Variants in LMTK3 observed in about 807,000 individuals in gnomAD.
The protein encoded by LMTK3 is serine/threonine-protein kinase LMTK3.
Under a neutral mutation model 116.7 loss-of-function variants are expected in LMTK3, and 27 were observed. The observed-to-expected ratio is 0.23, with a 90% CI of 0.17 to 0.32. The LOEUF is 0.32. LMTK3 is among the 10% of genes least tolerant of loss of function. The pLI is 1.00. For missense variants in LMTK3, 1,764 were observed against 2,068.5 expected (o/e 0.85, Z 2.86); for synonymous variants, 965 against 971.0 (o/e 0.99, Z 0.11).
At position 48,494,701 on chromosome 19, in the gene LMTK3, T is replaced by C. The variant is rs1972295296; in HGVS notation, c.3677-592A>G. 6.6e-6 allele frequency among the ~76,000 whole-genome samples: 1 copy of C among 152,128 alleles called. No homozygotes were observed. The highest frequency in any genetic ancestry group is 1.5e-5 in the Non-Finnish European group (1 of 68,026). On this transcript the variant is annotated intron_variant, in intron 11 of 14. Transcript: ENST00000600059. The surrounding 1 kb of genome is among the most constrained non-coding windows in gnomAD (Gnocchi z 4.0). ...GGTCACTTAGCCCTCCATTACTGCATAAGTGAACTGCCCTTTCTGAGCTGA... is the reference window on the plus strand; with the variant it reads ...GGTCACTTAGCCCTCCATTACTGCACAAGTGAACTGCCCTTTCTGAGCTGA...
intron 3 of LMTK3, 140 bp downstream of exon 3, chr19:48,509,883 A>G (rs1972627980): frequency 4.3e-6 from 4 of 935,296 alleles, no homozygotes; most frequent in Non-Finnish European, 6.3e-6. Flanking sequence ...GGCTGCTTCC[A>G]AGATTCCAGC....
chr19:48,502,776 T>C lies in LMTK3; in HGVS notation c.645+133A>G, dbSNP rs1972495678. 1.0e-5 allele frequency: 9 copies of C among 864,610 alleles called. 1 individual carries two copies. In the East Asian group the frequency reaches 1.9e-4, roughly 18 times the overall value. 53.6% of individuals were successfully genotyped at this position (864,610 alleles called of 1,614,324 possible). The stretch of plus-strand genomic sequence containing the variant: ...CAGCCCCCAGGACAGGCAGCACTCA[T>C]GAAATGTTAGCGCATGCCACACATC... On this transcript the variant is annotated intron_variant, in intron 6 of 14. Transcript: ENST00000600059.
intron 7 of LMTK3, 59 bp from the exon 8 acceptor site, chr19:48,501,621 C>T: frequency 6.6e-7 from 1 of 1,513,356 alleles, no homozygotes; most frequent in Non-Finnish European, 8.9e-7. Context: ...CGCCCTGACC[C>T]CGCCCTTTCA....
rs767726813 is a variant in LMTK3 at position 48,497,988 on chromosome 19, T to G, written c.3081A>C (p.Pro1027=). 2 of 1,609,074 alleles carry G rather than the reference T, an allele frequency of 1.2e-6. No individual in the cohort carries two copies. The highest frequency in any genetic ancestry group is 1.7e-6 in the Non-Finnish European group (2 of 1,178,354). ...RPPETGPWRA[P]GPWEKTPESW... ...TCTCGGGCGTCTTCTCCCAGGGCCCTGGGGCTCTCCAAGGCCCAGTCTCTG... is the reference window on the plus strand; with the variant it reads ...TCTCGGGCGTCTTCTCCCAGGGCCCGGGGGCTCTCCAAGGCCCAGTCTCTG... The change falls in exon 11 of 15, where the codon CCA becomes CCC. Residue 1027 remains proline (P), a synonymous_variant. Coordinates refer to ENST00000600059, the MANE Select transcript of LMTK3 (RefSeq NM_001388485.1). The surrounding 1 kb of genome is among the most constrained non-coding windows in gnomAD (Gnocchi z 5.7).
rs1318375717 is a variant in LMTK3 at position 48,491,398 on chromosome 19, C to T, written c.4228+6G>A. The stretch of plus-strand genomic sequence containing the variant: ...CCCCCTCCCGCCCCATAGGGCCCGT[C>T]CTCACCAAAGCCGCTGTCGTTGCTG... On this transcript the variant is annotated splice_donor_region_variant and intron_variant, in intron 13 of 14. Coordinates refer to ENST00000600059, the MANE Select transcript of LMTK3 (RefSeq NM_001388485.1). This position sits in a 1 kb window ranked among gnomAD's most constrained non-coding sequence, Gnocchi z 5.1. The T allele has an allele frequency of 7.8e-6, 11 of 1,405,762 alleles. No individual in the cohort carries two copies. Among genetic ancestry groups the T allele is most frequent in the African/African-American group, 1.5e-5 (1 of 65,962 alleles). 87.1% of individuals were successfully genotyped at this position (1,405,762 alleles called of 1,614,324 possible). A position where few individuals can be genotyped will look rare whatever the true frequency, so the allele number is the denominator to read the frequency against.
At position 48,498,552 on chromosome 19, in the gene LMTK3, C is replaced by T. The variant is rs745346120; in HGVS notation, c.2517G>A (p.Pro839=). ...GGGGCCCCGGGAGTGGGAGCGGACC[C>T]GGGTCTGGAGGTGGCCGGGGCGCTC... is the stretch of plus-strand genomic sequence containing the variant. The part of the protein sequence containing the change: ...DPGAPRPPPD[P]GPLPLPGPRE... Residue 839 remains proline, a synonymous_variant, in exon 11 of 15, where the codon CCG becomes CCA. Transcript: ENST00000600059. 3.2e-6 allele frequency: 5 copies of T among 1,562,244 alleles called. No homozygotes were observed. The Admixed American group carries it at 5.6e-5, about 18-fold the overall frequency.
rs764021900 is a variant in LMTK3, at chr19:48,494,928, A to G, written c.3677-819T>C. Among the ~76,000 whole-genome samples, 23 of 151,762 alleles carry G rather than the reference A, an allele frequency of 1.5e-4. No homozygotes were observed. The highest frequency in any genetic ancestry group is 8.5e-4 in the Admixed American group (13 of 15,244). ...TGCCTCACTCCCTCCTTTCCTTCAC[A>G]TCTGCTCAAAAGTCACACTTTTGTT... On this transcript the variant is annotated intron_variant, in intron 11 of 14. Coordinates refer to ENST00000600059, the MANE Select transcript of LMTK3 (RefSeq NM_001388485.1). This position sits in a 1 kb window ranked among gnomAD's most constrained non-coding sequence, Gnocchi z 4.0.
rs1433874179 is a variant in LMTK3, at chr19:48,499,434, G to T, written c.1635C>A (p.His545Gln). The T allele has an allele frequency of 3.4e-6, 5 of 1,465,454 alleles. No homozygotes were observed. The highest frequency in any genetic ancestry group is 1.4e-5 in the African/African-American group (1 of 69,472). The allele number at this position is 1,465,454 out of a possible 1,614,324, so 90.8% of individuals were successfully genotyped here. Residue 545 changes from histidine (H) to glutamine (Q), a missense_variant, in exon 11 of 15, where the codon CAC (histidine) becomes CAA (glutamine). By Grantham distance (24) the His-to-Gln change is conservative. This residue lies in a region of LMTK3 where 1,028 missense variants were observed against 1,050.6 expected (regional missense o/e 0.98). Coordinates refer to ENST00000600059, the MANE Select transcript of LMTK3 (RefSeq NM_001388485.1). Reference protein sequence around the residue: ...SSEYYIRLEEHGSPPEPLFPN... With the variant: ...SSEYYIRLEEQGSPPEPLFPN... The stretch of plus-strand genomic sequence containing the variant: ...GGAAGAGGGGCTCAGGAGGGGAGCC[G>T]TGCTCCTCCAAGCGGATGTAGTACT...
chr19:48,503,223 T>C, intron 5 of LMTK3, among the ~76,000 whole-genome samples: 1 of 152,198 alleles, frequency 6.6e-6, no homozygotes, highest in Non-Finnish European at 1.5e-5. Flanking sequence ...AATTTTTGTA[T>C]TTTTAGTAAA....
intron 12 of LMTK3, among the ~76,000 whole-genome samples, chr19:48,493,217 C>T (rs901362662): frequency 1.3e-5 from 2 of 150,788 alleles, no homozygotes; most frequent in African/African-American, 4.9e-5. Flanking sequence ...GCTCAGCCTG[C>T]CTTCAAACCC....
At chr19:48,495,933 A>G (rs1601045340) in intron 11 of LMTK3, among the ~76,000 whole-genome samples, 2 of 152,244 alleles carry the variant, frequency 1.3e-5, no homozygotes, top group South Asian at 4.1e-4. Context: ...TCAGAAAGGC[A>G]TATCTGTGCC....
intron 9 of LMTK3, 34 bp from the exon 10 acceptor site, chr19:48,501,179 C>T (rs1972459078): frequency 1.2e-6 from 2 of 1,606,392 alleles, no homozygotes; most frequent in East Asian, 2.2e-5. Flanking sequence ...GAGCCCAGCC[C>T]TGACCCACCC....
Position 48,491,117 on chromosome 19 carries a change from G to T in LMTK3, c.4357C>A (p.Arg1453=). 7.3e-7 allele frequency: 1 copy of T among 1,369,822 alleles called. No homozygotes were observed. The highest frequency in any genetic ancestry group is 2.8e-5 in the East Asian group (1 of 35,270). The allele number at this position is 1,369,822 out of a possible 1,614,324, so 84.9% of individuals were successfully genotyped here. The change falls in exon 14 of 15, where the codon CGG becomes AGG. Residue 1453 remains arginine, a synonymous_variant. Coordinates refer to ENST00000600059, the MANE Select transcript of LMTK3 (RefSeq NM_001388485.1). This position sits in a 1 kb window ranked among gnomAD's most constrained non-coding sequence, Gnocchi z 5.1. ...GCCGAGGATATGGTACCTGCGGGCC[G>T]GGCGTCGGGGGCCCGGGCGGGTGGC... ...PGPPARAPDA[R]PAGPVEN is the part of the protein sequence containing the mutation.
chr19:48,502,399 A>C, intron 7 of LMTK3, 34 bp downstream of exon 7: 1 of 1,595,536 alleles, frequency 6.3e-7, no homozygotes, highest in Non-Finnish European at 8.5e-7. Flanking sequence ...CCTTCCCCTT[A>C]GTAGCTCCTC....
chr19:48,499,184 A>T lies in LMTK3; in HGVS notation c.1885T>A (p.Leu629Met). The T allele has an allele frequency of 2.0e-6, 3 of 1,468,484 alleles. No individual in the cohort carries two copies. Among genetic ancestry groups the T allele is most frequent in the Non-Finnish European group, 2.7e-6 (3 of 1,106,944 alleles). The allele number at this position is 1,468,484 out of a possible 1,614,324, so 91.0% of individuals were successfully genotyped here. The stretch of plus-strand genomic sequence containing the variant: ...CACGGGGCGGTCCCCCGCTCCCCCA[A>T]GACCTCGGCAGGGTCTCCCGCCAGG... ...ETLAGDPAEV[L>M]GERGTAPWVE... Residue 629 changes from leucine to methionine, a missense_variant, in exon 11 of 15, where the codon TTG becomes ATG. Around this residue, in one of 7 missense-constraint regions of LMTK3, gnomAD observed 1,028 missense variants for 1,050.6 expected, o/e 0.98. Transcript: ENST00000600059.
chr19:48,498,804 G>A lies in LMTK3; in HGVS notation c.2265C>T (p.Pro755=), dbSNP rs771710023. ...PGRGPPPAPP[P]PPPPPRAPAD... is the part of the protein sequence containing the mutation. The stretch of plus-strand genomic sequence containing the variant: ...CGGGGGCCCGAGGAGGTGGCGGCGG[G>A]GGGGGGGGAGCGGGAGGTGGCCCCC... Residue 755 remains proline, a synonymous_variant, in exon 11 of 15, where the codon CCC becomes CCT. Coordinates refer to ENST00000600059, the MANE Select transcript of LMTK3 (RefSeq NM_001388485.1). The A allele has an allele frequency of 2.4e-5, 29 of 1,214,272 alleles. 2 individuals carry two copies. The highest frequency in any genetic ancestry group is 1.8e-4 in the South Asian group (9 of 50,006). 75.2% of individuals were successfully genotyped at this position (1,214,272 alleles called of 1,614,324 possible). A position where few individuals can be genotyped will look rare whatever the true frequency, so the allele number is the denominator to read the frequency against.
At chr19:48,512,036 G>A (rs944760855), upstream of LMTK3, among the ~76,000 whole-genome samples, 5 of 133,414 alleles carry the variant, frequency 3.7e-5, no homozygotes, top group Non-Finnish European at 8.1e-5. Flanking sequence ...GACAGGGACC[G>A]GCACACACTT....
In LMTK3 at chr19:48,485,644, G is replaced by C; in HGVS notation, c.*129C>G. On this transcript the variant is annotated 3_prime_UTR_variant, in exon 15 of 15. Coordinates refer to ENST00000600059, the MANE Select transcript of LMTK3 (RefSeq NM_001388485.1). The stretch of plus-strand genomic sequence containing the variant: ...TGGCACATGGTAGGGGAGTGGGAGG[G>C]GGAGGGCCCAGCCTCGGGGGCCTCC... 1 of 1,028,668 alleles carries C rather than the reference G, an allele frequency of 9.7e-7. No homozygotes were observed. Among genetic ancestry groups the C allele is most frequent in the Admixed American group, 2.1e-5 (1 of 47,016 alleles). The allele number at this position is 1,028,668 out of a possible 1,614,324, so 63.7% of individuals were successfully genotyped here.
intron 5 of LMTK3, among the ~76,000 whole-genome samples, chr19:48,503,684 G>A (rs1282701365): frequency 6.6e-6 from 1 of 152,080 alleles, no homozygotes; most frequent in Non-Finnish European, 1.5e-5. Flanking sequence ...CCGGCTCTTT[G>A]ATTCCTCCTG....
Sources: allele counts gnomAD v4.1 joint callset (sites outside exome capture counted in the v4.1 genomes callset), GRCh38; gene constraint gnomAD v4.1.1; regional missense constraint gnomAD v4.1.1; non-coding constraint Gnocchi (gnomAD v3.1); transcripts MANE v1.5; gene names NCBI Gene and HGNC (gene_info 2026-07-23, HGNC 2026-07-21).